Variants in FHIP1A observed in about 807,000 individuals in gnomAD.
FHIP1A encodes the protein FHF complex subunit HOOK-interacting protein 1A.
In FHIP1A, 61 loss-of-function variants were observed where a neutral mutation model predicts 88.6. That is an observed-to-expected ratio of 0.69 (90% CI 0.56 to 0.85). The LOEUF is 0.85. Among genes scored for constraint, FHIP1A ranks in the 40% least tolerant of loss-of-function variants. FHIP1A has a pLI of 0.00. For missense variants in FHIP1A, 1,154 were observed against 1,273.5 expected, an observed-to-expected ratio of 0.91 and a Z score of 1.43; for synonymous variants, 478 against 496.0, an observed-to-expected ratio of 0.96 and a Z score of 0.48.
rs536388869 is a variant in FHIP1A at position 151,598,887 on chromosome 4, G to A, written c.978+9961G>A. Among the ~76,000 whole-genome samples the A allele has an allele frequency of 2.6e-5, 4 of 152,190 alleles. No homozygotes were observed. In the East Asian group the frequency reaches 5.8e-4, roughly 22 times the overall value. ...TATTGAACCCTACTTGAACCACCTC[G>A]AGGCTATTTACTTTTAACTCACTTG... On this transcript the variant is annotated intron_variant, in intron 7 of 13. Coordinates refer to ENST00000435205, the MANE Select transcript of FHIP1A (RefSeq NM_001109977.3).
chr4:151,589,768 A>T (rs2085430121), intron 7 of FHIP1A, among the ~76,000 whole-genome samples: 1 of 152,192 alleles, frequency 6.6e-6, no homozygotes, highest in Non-Finnish European at 1.5e-5. Context: ...TTGCCATCCA[A>T]GCTGATGAGG....
chr4:151,567,614 A>G (rs1733437478), intron 4 of FHIP1A, among the ~76,000 whole-genome samples: 1 of 152,182 alleles, frequency 6.6e-6, no homozygotes, highest in African/African-American at 2.4e-5. Context: ...ATTTTAAAGC[A>G]GTATCTCCAA....
chr4:151,511,162 A>C (rs1373688943), intron 3 of FHIP1A, among the ~76,000 whole-genome samples: 1 of 152,226 alleles, frequency 6.6e-6, no homozygotes, highest in Non-Finnish European at 1.5e-5. Flanking sequence ...AATAATATGT[A>C]TTATTCAATC....
intron 2 of FHIP1A, among the ~76,000 whole-genome samples, chr4:151,456,303 G>T (rs1422914271): frequency 6.6e-6 from 1 of 152,050 alleles, no homozygotes; most frequent in South Asian, 2.1e-4. Flanking sequence ...TTTTTTCAAG[G>T]TTTACAAAAT....
At chr4:151,509,467 G>C (rs916614582) in intron 3 of FHIP1A, among the ~76,000 whole-genome samples, 1 of 152,122 alleles carries the variant, frequency 6.6e-6, no homozygotes, top group East Asian at 1.9e-4. Context: ...GCCTGGCCAA[G>C]TTCTTTACCT....
At chr4:151,547,088 G>C (rs1268120635) in intron 3 of FHIP1A, among the ~76,000 whole-genome samples, 2 of 152,208 alleles carry the variant, frequency 1.3e-5, no homozygotes, top group African/African-American at 4.8e-5. Flanking sequence ...AACCAGGAGA[G>C]AATAGTGTGA....
intron 3 of FHIP1A, among the ~76,000 whole-genome samples, chr4:151,560,373 G>T (rs1339131896): frequency 6.6e-6 from 1 of 152,004 alleles, no homozygotes; most frequent in African/African-American, 2.4e-5. Flanking sequence ...CTTGCCAAAG[G>T]TACCTACTCT....
At chr4:151,607,840 C>CT (rs1735132444) in intron 7 of FHIP1A, among the ~76,000 whole-genome samples, 1 of 152,090 alleles carries the variant, frequency 6.6e-6, no homozygotes, top group Non-Finnish European at 1.5e-5. Context: ...AAGTAACCAG[C>CT]TGAATCTCTA....
chr4:151,475,355 G>T (rs555611924), intron 2 of FHIP1A, among the ~76,000 whole-genome samples: 1 of 152,290 alleles, frequency 6.6e-6, no homozygotes, highest in Admixed American at 6.5e-5. Context: ...ATGAGATGAT[G>T]ACAATTGCTA....
Position 151,514,255 on chromosome 4 carries a change from T to C in FHIP1A, c.-123+31607T>C, listed in dbSNP as rs1327640539. Reference sequence around the variant, plus strand: ...AAATAAAGATGTTCTTTGAAACCAATGAGAACAAAGACACAGCATACCAGA... The same window carrying C: ...AAATAAAGATGTTCTTTGAAACCAACGAGAACAAAGACACAGCATACCAGA... On this transcript the variant is annotated intron_variant, in intron 3 of 13. Coordinates refer to ENST00000435205, the MANE Select transcript of FHIP1A (RefSeq NM_001109977.3). Among the ~76,000 whole-genome samples, 160 of 151,668 alleles carry C rather than the reference T, an allele frequency of 1.1e-3. 1 individual carries two copies. The highest frequency in any genetic ancestry group is 3.6e-3 in the African/African-American group (147 of 41,054).
At chr4:151,525,358 G>A (rs560229453) in intron 3 of FHIP1A, among the ~76,000 whole-genome samples, 1 of 152,338 alleles carries the variant, frequency 6.6e-6, no homozygotes, top group East Asian at 1.9e-4. Context: ...AACACATTGA[G>A]CATTTTCCAA....
intron 3 of FHIP1A, among the ~76,000 whole-genome samples, chr4:151,551,399 A>G (rs1732725594): frequency 6.6e-6 from 1 of 152,214 alleles, no homozygotes; most frequent in South Asian, 2.1e-4. Context: ...CAAAAGAACA[A>G]AGCTGGAGAC....
intron 3 of FHIP1A, among the ~76,000 whole-genome samples, chr4:151,518,661 C>CCCTCCCTCCCTCCCTCTCTT (rs746758648): frequency 1.3e-5 from 1 of 79,654 alleles, no homozygotes; most frequent in Non-Finnish European, 2.6e-5. Context: ...CTCCCTCCCT[C>CCCTCCCTCCCTCCCTCTCTT]CCTTCCTTCT....
At chr4:151,516,076 C>T (rs1731223776) in intron 3 of FHIP1A, among the ~76,000 whole-genome samples, 1 of 152,216 alleles carries the variant, frequency 6.6e-6, no homozygotes, top group African/African-American at 2.4e-5. Context: ...GTAACCAAAA[C>T]AGCATGGTAC....
rs369379750 is a variant in FHIP1A at position 151,600,253 on chromosome 4, G to A, written c.978+11327G>A. Among the ~76,000 whole-genome samples, 12 of 152,320 alleles carry A rather than the reference G, an allele frequency of 7.9e-5. No individual in the cohort carries two copies. The South Asian group carries it at 2.5e-3, about 32-fold the overall frequency. ...CCTTGTGAATGGCCCACTGGCTCTT[G>A]AAGCTTTTATCTGGAAGTAACACAT... On this transcript the variant is annotated intron_variant, in intron 7 of 13. Transcript: ENST00000435205.
intron 1 of FHIP1A, among the ~76,000 whole-genome samples, chr4:151,443,222 C>T (rs79842871): frequency 6.6e-6 from 1 of 152,212 alleles, no homozygotes; most frequent in East Asian, 1.9e-4. Flanking sequence ...CACTTGAGCC[C>T]AGGAGTTCGA....
chr4:151,525,927 TG>T (rs944627951), intron 3 of FHIP1A, among the ~76,000 whole-genome samples: 1 of 151,932 alleles, frequency 6.6e-6, no homozygotes, highest in African/African-American at 2.4e-5. Flanking sequence ...TTTGTGTCCC[TG>T]GGTACTTGAG....
chr4:151,460,929 A>G (rs548594395), intron 2 of FHIP1A, among the ~76,000 whole-genome samples: 1 of 152,324 alleles, frequency 6.6e-6, no homozygotes, highest in South Asian at 2.1e-4. Flanking sequence ...GTTGTATGGC[A>G]ATGGATATGA....
At chr4:151,491,823 T>C (rs1345144166) in intron 3 of FHIP1A, among the ~76,000 whole-genome samples, 1 of 151,924 alleles carries the variant, frequency 6.6e-6, no homozygotes, top group Non-Finnish European at 1.5e-5. Context: ...AATGGAAACA[T>C]AGAAACCAAA....
Sources: allele counts gnomAD v4.1 joint callset (sites outside exome capture counted in the v4.1 genomes callset), GRCh38; gene constraint gnomAD v4.1.1; transcripts MANE v1.5; gene names NCBI Gene and HGNC (gene_info 2026-07-23, HGNC 2026-07-21).